Variants in GATAD1 observed in about 807,000 individuals in gnomAD.
The protein encoded by GATAD1 is GATA zinc finger domain-containing protein 1.
A neutral mutation model predicts 26.5 loss-of-function variants in GATAD1; 12 were observed. That is an observed-to-expected ratio of 0.45 (90% CI 0.29 to 0.73). The LOEUF (loss-of-function observed/expected upper bound fraction) is 0.73. GATAD1 is among the 30% of genes least tolerant of loss of function. The pLI is 0.10. For synonymous variants in GATAD1, 129 were observed against 133.1 expected (o/e 0.97, Z 0.21); for missense variants, 266 against 342.1 (o/e 0.78, Z 1.75).
Position 92,447,672 on chromosome 7 carries a change from G to A in GATAD1, c.-58G>A. 7.3e-7 allele frequency: 1 copy of A among 1,364,264 alleles called. No individual in the cohort carries two copies. Among genetic ancestry groups the A allele is most frequent in the South Asian group, 1.7e-5 (1 of 59,880 alleles). The allele number at this position is 1,364,264 out of a possible 1,614,324, so 84.5% of individuals were successfully genotyped here. ...GGCGGGCCGACCAGGGGGCGGCCGG[G>A]CTACCGTCCGCCATTCCCGTGTCTC... On this transcript the variant is annotated 5_prime_UTR_variant, in exon 1 of 5. Coordinates refer to ENST00000287957, the MANE Select transcript of GATAD1 (RefSeq NM_021167.5).
the GATAD1 span, chr7:92,489,940 T>C: frequency 2.7e-5 from 43 of 1,571,232 alleles, no homozygotes; most frequent in Non-Finnish European, 3.7e-5. Flanking sequence ...TAATGAAAGA[T>C]GGAAGGAAGA....
At chr7:92,472,962 G>A in the GATAD1 span, 1 of 152,370 alleles carries the variant, frequency 6.6e-6, no homozygotes. Context: ...CGAAGGACAA[G>A]TGTCCAGGTA....
At chr7:92,461,537 A>G (rs1789922807), downstream of GATAD1, 1 of 152,234 alleles carries the variant, frequency 6.6e-6, no homozygotes, top group Non-Finnish European at 1.5e-5. Flanking sequence ...GTTTCTCATT[A>G]TAAACTGTTT....
chr7:92,485,938 A>G, the GATAD1 span, among the ~76,000 whole-genome samples: 8 of 152,364 alleles, frequency 5.3e-5, no homozygotes, highest in South Asian at 1.2e-3. Flanking sequence ...AAGAATCAGA[A>G]TATTTGTGTC....
chr7:92,451,865 G>T (rs1006092790), intron 3 of GATAD1, among the ~76,000 whole-genome samples: 1 of 152,202 alleles, frequency 6.6e-6, no homozygotes, highest in African/African-American at 2.4e-5. Flanking sequence ...TAATTAACTT[G>T]TCCAAGATCA....
chr7:92,478,086 G>A, the GATAD1 span: 2 of 152,164 alleles, frequency 1.3e-5, no homozygotes, highest in Admixed American at 1.3e-4. Flanking sequence ...TTGGTCAGGT[G>A]TGAGCTAAGT....
intron 3 of GATAD1, among the ~76,000 whole-genome samples, chr7:92,453,807 A>G (rs1789541252): frequency 2.0e-5 from 3 of 152,218 alleles, no homozygotes; most frequent in South Asian, 4.1e-4. Flanking sequence ...CTTTGGCTGC[A>G]GTCTCTATGG....
the GATAD1 span, among the ~76,000 whole-genome samples, chr7:92,475,939 C>T: frequency 6.6e-6 from 1 of 152,222 alleles, no homozygotes; most frequent in African/African-American, 2.4e-5. Flanking sequence ...GTGCAAACAG[C>T]TCACACGTTT....
chr7:92,472,268 C>G, the GATAD1 span: 2 of 152,228 alleles, frequency 1.3e-5, no homozygotes, highest in South Asian at 2.1e-4. Flanking sequence ...CTGACAGCCA[C>G]AAGTCTCCTT....
chr7:92,456,106 T>G (rs1266755326), intron 4 of GATAD1, among the ~76,000 whole-genome samples: 1 of 152,212 alleles, frequency 6.6e-6, no homozygotes, highest in Non-Finnish European at 1.5e-5. Flanking sequence ...AATGAAGGTA[T>G]TGATACATGT....
intron 3 of GATAD1, among the ~76,000 whole-genome samples, chr7:92,451,793 C>T (rs1188150344): frequency 6.6e-6 from 1 of 152,236 alleles, no homozygotes; most frequent in African/African-American, 2.4e-5. Flanking sequence ...ATTCAGTTCA[C>T]TCTATGAGGT....
chr7:92,448,989 G>A, intron 2 of GATAD1, 112 bp downstream of exon 2: 1 of 1,207,790 alleles, frequency 8.3e-7, no homozygotes, highest in Non-Finnish European at 1.2e-6. Context: ...CCCTTCCTTA[G>A]TATTCTGGGG....
chr7:92,483,847 T>C, the GATAD1 span, among the ~76,000 whole-genome samples: 2 of 151,784 alleles, frequency 1.3e-5, no homozygotes, highest in Admixed American at 6.6e-5. Flanking sequence ...TGAGGAAGAA[T>C]TGGGACCTGG....
the GATAD1 span, among the ~76,000 whole-genome samples, chr7:92,473,942 G>T: frequency 6.6e-6 from 1 of 152,120 alleles, no homozygotes; most frequent in Admixed American, 6.5e-5. Context: ...TTTGTCCCCT[G>T]GGGCAGTGGG....
At chr7:92,451,547 C>T (rs1789430812) in intron 3 of GATAD1, among the ~76,000 whole-genome samples, 1 of 152,042 alleles carries the variant, frequency 6.6e-6, no homozygotes, top group Non-Finnish European at 1.5e-5. Context: ...GTGATGATGC[C>T]CTTAAGTATA....
chr7:92,448,125 T>A, intron 1 of GATAD1, 147 bp downstream of exon 1: 1 of 485,600 alleles, frequency 2.1e-6, no homozygotes, highest in Admixed American at 4.7e-5. Flanking sequence ...CCTACTGAGA[T>A]CTTTCGTTTG....
the GATAD1 span, among the ~76,000 whole-genome samples, chr7:92,492,100 A>G: frequency 6.6e-6 from 1 of 152,222 alleles, no homozygotes; most frequent in Non-Finnish European, 1.5e-5. Context: ...TCTTTAGAGA[A>G]AAGGCTGATG....
rs1444832076 is a variant in GATAD1, at chr7:92,457,160, G to A, written c.*598G>A. On this transcript the variant is annotated 3_prime_UTR_variant, in exon 5 of 5. Coordinates refer to ENST00000287957, the MANE Select transcript of GATAD1 (RefSeq NM_021167.5). ...GGCAACAGAGTGAGACTCTTGTCTCGGAAAAAAAAAAAAAAAAAAAAGGCT... is the reference window on the plus strand; with the variant it reads ...GGCAACAGAGTGAGACTCTTGTCTCAGAAAAAAAAAAAAAAAAAAAAGGCT... 2.6e-5 allele frequency: 3 copies of A among 114,066 alleles called. No individual in the cohort carries two copies. Among genetic ancestry groups the A allele is most frequent in the Admixed American group, 1.8e-4 (2 of 11,334 alleles). 7.1% of individuals were successfully genotyped at this position (114,066 alleles called of 1,614,324 possible).
chr7:92,476,685 T>C, the GATAD1 span, among the ~76,000 whole-genome samples: 5 of 151,552 alleles, frequency 3.3e-5, no homozygotes, highest in Admixed American at 6.6e-5. Flanking sequence ...TCTCCTCCAT[T>C]TCTCTCTCTC....
Sources: gnomAD v4.1 joint callset for allele counts (sites outside exome capture counted in the v4.1 genomes callset) on GRCh38, gnomAD v4.1.1 for gene constraint, MANE v1.5 for transcripts, NCBI Gene and HGNC (gene_info 2026-07-23, HGNC 2026-07-21) for gene names.